The following NELFA variants were observed in gnomAD, a reference collection of about 807,000 sequenced individuals.
The protein encoded by NELFA is negative elongation factor complex member A.
NELFA carries 35 observed loss-of-function variants against 51.8 expected under a neutral mutation model. The ratio of observed to expected loss-of-function variants is 0.68; its 90% CI spans 0.52 to 0.90. The LOEUF (loss-of-function observed/expected upper bound fraction) is 0.90, where lower values mean the gene tolerates loss of function less well. NELFA is among the 40% of genes least tolerant of loss of function. The pLI is 0.00. For synonymous variants in NELFA, 417 were observed against 338.4 expected (o/e 1.23, Z -2.55); for missense variants, 658 against 746.4 (o/e 0.88, Z 1.38).
At chr4:1,994,866 T>A (rs1425324643) in intron 1 of NELFA, among the ~76,000 whole-genome samples, 6 of 147,680 alleles carry the variant, frequency 4.1e-5, no homozygotes, top group African/African-American at 7.5e-5. Flanking sequence ...AAAAAAAAAA[T>A]TAAAAATAAA....
At chr4:2,007,488 C>A (rs975876480) in intron 1 of NELFA, among the ~76,000 whole-genome samples, 1 of 152,186 alleles carries the variant, frequency 6.6e-6, no homozygotes. Flanking sequence ...GAAACTGTCA[C>A]GGCGTCGACC....
intron 1 of NELFA, among the ~76,000 whole-genome samples, chr4:2,007,487 A>C (rs957496829): frequency 1.3e-5 from 2 of 152,242 alleles, no homozygotes; most frequent in Admixed American, 6.5e-5. Flanking sequence ...TGAAACTGTC[A>C]CGGCGTCGAC....
At chr4:1,993,618 G>A (rs1325409318) in intron 1 of NELFA, among the ~76,000 whole-genome samples, 2 of 151,200 alleles carry the variant, frequency 1.3e-5, no homozygotes, top group Non-Finnish European at 3.0e-5. Context: ...AGAAAAGAAA[G>A]AAAGAAAAAA....
chr4:2,005,486 G>A (rs1166496399), intron 1 of NELFA, among the ~76,000 whole-genome samples: 1 of 152,104 alleles, frequency 6.6e-6, no homozygotes, highest in Non-Finnish European at 1.5e-5. Flanking sequence ...GAGGTCAGGA[G>A]TTCGAGAGCA....
chr4:2,002,305 C>G (rs1269626740), intron 1 of NELFA, among the ~76,000 whole-genome samples: 1 of 152,218 alleles, frequency 6.6e-6, no homozygotes, highest in Admixed American at 6.5e-5. Flanking sequence ...GGCCATACTG[C>G]TCAAAGTAAC....
intron 1 of NELFA, among the ~76,000 whole-genome samples, chr4:1,998,552 GA>G (rs1728491575): frequency 6.6e-6 from 1 of 152,120 alleles, no homozygotes; most frequent in Non-Finnish European, 1.5e-5. Context: ...AAGGATATCA[GA>G]GTTTGAACAC....
At chr4:2,008,703 G>A (rs1471166770) in intron 1 of NELFA, 47 bp downstream of exon 1, 7 of 1,563,082 alleles carry the variant, frequency 4.5e-6, no homozygotes, top group East Asian at 2.3e-5. Flanking sequence ...GGTCGGAGGT[G>A]GGAAGGTTGG....
At chr4:1,987,848 C>A in intron 4 of NELFA, 70 bp downstream of exon 4, 1 of 1,286,994 alleles carries the variant, frequency 7.8e-7, no homozygotes. Flanking sequence ...CAACAGGGAG[C>A]GGGTCTCCAG....
At chr4:1,998,177 G>A (rs192470808) in intron 1 of NELFA, among the ~76,000 whole-genome samples, 3 of 152,152 alleles carry the variant, frequency 2.0e-5, no homozygotes, top group African/African-American at 4.8e-5. Flanking sequence ...ACAAACTCAC[G>A]AAGATGAGAA....
intron 1 of NELFA, among the ~76,000 whole-genome samples, chr4:1,994,844 G>A (rs1400079855): frequency 1.4e-5 from 2 of 141,628 alleles, no homozygotes; most frequent in Admixed American, 7.2e-5. Context: ...GTGAGACTCC[G>A]TCTCAAAAAA....
rs1728145425 is a variant in NELFA, at chr4:1,987,634, ATGCCCAGCGGTGTCCTCAGATCC to A, written c.634+261_634+283del. The A allele has an allele frequency of 7.0e-6, 3 of 431,482 alleles. No individual in the cohort carries two copies. In the African/African-American group the frequency reaches 7.0e-5, roughly 10 times the overall value. 26.7% of individuals were successfully genotyped at this position (431,482 alleles called of 1,614,324 possible). On this transcript the variant is annotated intron_variant, in intron 4 of 10. Transcript: ENST00000382882. The stretch of plus-strand genomic sequence containing the variant: ...CTCAGATCCCGGCCTTCCTGTCTCC[ATGCCCAGCGGTGTCCTCAGATCC>A]CGGCCTTCCTGTCTCCGTGCCCAGC...
At chr4:2,000,929 C>A (rs1728552791) in intron 1 of NELFA, among the ~76,000 whole-genome samples, 1 of 152,184 alleles carries the variant, frequency 6.6e-6, no homozygotes, top group Non-Finnish European at 1.5e-5. Flanking sequence ...AGCAGCACAT[C>A]AAAAAGCTTA....
At chr4:1,993,500 AC>A (rs1728337192) in intron 1 of NELFA, among the ~76,000 whole-genome samples, 1 of 150,978 alleles carries the variant, frequency 6.6e-6, no homozygotes, top group South Asian at 2.1e-4. Flanking sequence ...AATCGCTTGA[AC>A]CCAGGAGGCG....
chr4:2,005,508 A>G (rs1463871589), intron 1 of NELFA, among the ~76,000 whole-genome samples: 1 of 152,122 alleles, frequency 6.6e-6, no homozygotes, highest in Non-Finnish European at 1.5e-5. Flanking sequence ...CCTGGCCAAC[A>G]TGGTGAAACC....
At chr4:1,983,749 C>T in intron 9 of NELFA, 54 bp from the exon 10 acceptor site, 1 of 1,607,164 alleles carries the variant, frequency 6.2e-7, no homozygotes, top group East Asian at 2.2e-5. Flanking sequence ...CCACCTCCTG[C>T]ATCCCCCTGC....
intron 2 of NELFA, among the ~76,000 whole-genome samples, chr4:1,990,949 T>G (rs957859612): frequency 1.3e-5 from 2 of 152,162 alleles, no homozygotes; most frequent in Non-Finnish European, 2.9e-5. Context: ...GACAGGCATG[T>G]GCCATCACGC....
At chr4:1,986,500 C>A in intron 4 of NELFA, 98 bp from the exon 5 acceptor site, 1 of 1,568,796 alleles carries the variant, frequency 6.4e-7, no homozygotes, top group Non-Finnish European at 8.7e-7. Context: ...GCTAGCGCCG[C>A]AGAGGGGAAG....
chr4:1,985,981 A>G, intron 6 of NELFA, 117 bp from the exon 7 acceptor site: 2 of 1,341,990 alleles, frequency 1.5e-6, no homozygotes, highest in Admixed American at 2.3e-5. Flanking sequence ...CGAGGAGAAA[A>G]GCAGGCACCC....
Position 1,989,989 on chromosome 4 carries a change from G to C in NELFA, c.383-120C>G. ...GTTAGGGTTAGGTCATGGGAGCTTC[G>C]GCTGTCCCCTGAGGTCCTCGAGACT... On this transcript the variant is annotated intron_variant, in intron 2 of 10. Coordinates refer to ENST00000382882, the MANE Select transcript of NELFA (RefSeq NM_005663.5). The surrounding 1 kb of genome is among the most constrained non-coding windows in gnomAD (Gnocchi z 4.8). The C allele has an allele frequency of 8.1e-7, 1 of 1,234,436 alleles. No individual in the cohort carries two copies. The allele number at this position is 1,234,436 out of a possible 1,614,324, so 76.5% of individuals were successfully genotyped here.
Sources: allele counts gnomAD v4.1 joint callset (sites outside exome capture counted in the v4.1 genomes callset), GRCh38; gene constraint gnomAD v4.1.1; non-coding constraint Gnocchi (gnomAD v3.1); transcripts MANE v1.5; gene names NCBI Gene and HGNC (gene_info 2026-07-23, HGNC 2026-07-21).